PIK3C3: variants seen among roughly 807,000 people sequenced by gnomAD.
The protein encoded by PIK3C3 is PI3-kinase type 3.
In PIK3C3, 95 loss-of-function variants were observed where a neutral mutation model predicts 126.1. The observed-to-expected ratio is 0.75, with a 90% CI of 0.64 to 0.89. PIK3C3 has a LOEUF of 0.89. PIK3C3 is among the 40% of genes least tolerant of loss of function. The probability of loss-of-function intolerance (pLI) is 0.00; values close to 1 mark genes in which losing one functional copy is unlikely to be tolerated. For synonymous variants in PIK3C3, 374 were observed against 360.0 expected (o/e 1.04, Z -0.44); for missense variants, 829 against 1,063.2 (o/e 0.78, Z 3.06).
At chr18:41,959,529 A>G (rs1219361612) in intron 2 of PIK3C3, among the ~76,000 whole-genome samples, 1 of 152,196 alleles carries the variant, frequency 6.6e-6, no homozygotes, top group East Asian at 1.9e-4. Flanking sequence ...TATTTTGGAT[A>G]AAATACCACG....
At chr18:42,062,986 C>T (rs909960140) in intron 22 of PIK3C3, among the ~76,000 whole-genome samples, 1 of 152,226 alleles carries the variant, frequency 6.6e-6, no homozygotes, top group African/African-American at 2.4e-5. Flanking sequence ...CATGTTGGTT[C>T]CTGTCCACCT....
chr18:41,970,414 A>C lies in PIK3C3; in HGVS notation c.489A>C (p.Thr163=), dbSNP rs780243332. 8 of 1,613,910 alleles carry C rather than the reference A, an allele frequency of 5.0e-6. No homozygotes were observed. The highest frequency in any genetic ancestry group is 4.0e-5 in the African/African-American group (3 of 74,920). Residue 163 remains threonine (T), a synonymous_variant, in exon 4 of 25, where the codon ACA becomes ACC. Transcript: ENST00000262039. ...AACCCACAAAAACTCCTGGCAGAAC[A>C]AGTAGCACTCTCTCAGAAGATCAGA... is the stretch of plus-strand genomic sequence containing the variant. ...GSEPTKTPGR[T]SSTLSEDQMS...
chr18:42,068,818 C>T (rs1367508703), intron 24 of PIK3C3, among the ~76,000 whole-genome samples: 9 of 151,846 alleles, frequency 5.9e-5, no homozygotes, highest in African/African-American at 1.2e-4. Flanking sequence ...GGTGTGATGG[C>T]GGGCGCCTGT....
chr18:41,969,605 T>C (rs991704496), intron 3 of PIK3C3, among the ~76,000 whole-genome samples: 2 of 152,258 alleles, frequency 1.3e-5, no homozygotes, highest in Non-Finnish European at 2.9e-5. Context: ...TGTATGAATC[T>C]ACTATTGTAT....
At chr18:42,060,395 C>T (rs1447520413) in intron 22 of PIK3C3, among the ~76,000 whole-genome samples, 2 of 152,108 alleles carry the variant, frequency 1.3e-5, no homozygotes, top group Admixed American at 6.5e-5. Context: ...CACACTTATG[C>T]CAAACACCAT....
intron 24 of PIK3C3, among the ~76,000 whole-genome samples, chr18:42,072,682 C>T (rs765788165): frequency 7.2e-5 from 11 of 152,090 alleles, no homozygotes; most frequent in Non-Finnish European, 1.3e-4. Context: ...CAGGCATGCA[C>T]CACCATACCC....
intron 6 of PIK3C3, among the ~76,000 whole-genome samples, chr18:41,990,878 T>C (rs1981742045): frequency 1.3e-5 from 2 of 152,144 alleles, no homozygotes; most frequent in Admixed American, 1.3e-4. Flanking sequence ...ATTTAAAAAA[T>C]GAAAGGGGGA....
intron 13 of PIK3C3, among the ~76,000 whole-genome samples, chr18:42,022,479 G>A (rs1983372273): frequency 6.6e-6 from 1 of 152,016 alleles, no homozygotes; most frequent in Admixed American, 6.6e-5. Flanking sequence ...CCTTTTTTAT[G>A]GAGCACTCTT....
chr18:42,019,452 A>G (rs912777162), intron 12 of PIK3C3, among the ~76,000 whole-genome samples: 3 of 152,184 alleles, frequency 2.0e-5, no homozygotes, highest in African/African-American at 4.8e-5. Flanking sequence ...TTGGTTGCAC[A>G]TTCTTTTCAG....
intron 4 of PIK3C3, among the ~76,000 whole-genome samples, chr18:41,977,854 A>C (rs1267914606): frequency 6.6e-6 from 1 of 152,238 alleles, no homozygotes; most frequent in Non-Finnish European, 1.5e-5. Flanking sequence ...AGTCTCATTC[A>C]TTCAGCTCAG....
At chr18:42,054,126 G>GTATATATA (rs60224978) in intron 21 of PIK3C3, among the ~76,000 whole-genome samples, 1 of 69,682 alleles carries the variant, frequency 1.4e-5, no homozygotes, top group Non-Finnish European at 2.8e-5. Context: ...AGAACTAATG[G>GTATATATA]TATATATATA....
chr18:42,034,414 A>T (rs971089954), intron 16 of PIK3C3, among the ~76,000 whole-genome samples: 13 of 152,082 alleles, frequency 8.5e-5, no homozygotes, highest in African/African-American at 3.1e-4. Flanking sequence ...CTTTATGTAA[A>T]TTTTTTTAGA....
chr18:42,053,613 A>G (rs139826644), intron 21 of PIK3C3, among the ~76,000 whole-genome samples: 3 of 152,284 alleles, frequency 2.0e-5, no homozygotes, highest in African/African-American at 7.2e-5. Flanking sequence ...TTTCCCAAGA[A>G]TCATTGTCCT....
chr18:41,983,689 C>T (rs772269356), intron 4 of PIK3C3, among the ~76,000 whole-genome samples: 4 of 152,024 alleles, frequency 2.6e-5, no homozygotes, highest in Non-Finnish European at 5.9e-5. Context: ...ATTTGTTTTC[C>T]CTGCTGGTCT....
At position 42,025,638 on chromosome 18, in the gene PIK3C3, G is replaced by A. The variant is rs369876729; in HGVS notation, c.1485-1805G>A. On this transcript the variant is annotated intron_variant, in intron 13 of 24. Transcript: ENST00000262039. The stretch of plus-strand genomic sequence containing the variant: ...AGAGGTAGAAAAAATTCAATTTAAT[G>A]TGATAAGTTTGGTTTTACATGTGTT... 267 of 152,294 alleles carry A rather than the reference G, an allele frequency of 1.8e-3. 2 individuals carry two copies. Among genetic ancestry groups the A allele is most frequent in the African/African-American group, 5.7e-3 (238 of 41,570 alleles). 9.4% of individuals were successfully genotyped at this position (152,294 alleles called of 1,614,324 possible).
At chr18:42,013,934 A>C (rs1292046772) in intron 11 of PIK3C3, among the ~76,000 whole-genome samples, 1 of 152,210 alleles carries the variant, frequency 6.6e-6, no homozygotes, top group African/African-American at 2.4e-5. Flanking sequence ...TTAATCATTA[A>C]GTGAATTAAC....
rs1050579288 is a variant in PIK3C3 at position 42,057,924 on chromosome 18, G to T, written c.2305G>T (p.Asp769Tyr). ...HIDFGYILGR[D>Y]PKPLPPPMKL... ...AGACTTTGGATATATTTTGGGTCGG[G>T]ATCCAAAGCCTCTTCCTCCACCAAT... Residue 769 changes from aspartate (D) to tyrosine (Y), a missense_variant, in exon 22 of 25, where the codon GAT becomes TAT. By Grantham distance (160) the Asp-to-Tyr change is radical. Around this residue, in one of 4 missense-constraint regions of PIK3C3, gnomAD observed 196 missense variants for 312.8 expected, o/e 0.63. Transcript: ENST00000262039. 1 of 1,613,724 alleles carries T rather than the reference G, an allele frequency of 6.2e-7. No individual in the cohort carries two copies. The highest frequency in any genetic ancestry group is 1.6e-4 in the Middle Eastern group (1 of 6,062).
chr18:42,029,239 T>C lies in PIK3C3; in HGVS notation c.1591-86T>C. ...TATTTAAGTTTATAACTGTGAGAAATATGAATAAGGATTATCCATGCTGTT... is the reference window on the plus strand; with the variant it reads ...TATTTAAGTTTATAACTGTGAGAAACATGAATAAGGATTATCCATGCTGTT... On this transcript the variant is annotated intron_variant, in intron 14 of 24. Coordinates refer to ENST00000262039, the MANE Select transcript of PIK3C3 (RefSeq NM_002647.4). 3 of 777,260 alleles carry C rather than the reference T, an allele frequency of 3.9e-6. No homozygotes were observed. In the Middle Eastern group the frequency reaches 8.0e-4, roughly 206 times the overall value. 48.1% of individuals were successfully genotyped at this position (777,260 alleles called of 1,614,324 possible). A position where few individuals can be genotyped will look rare whatever the true frequency, so the allele number is the denominator to read the frequency against.
chr18:41,964,450 G>A (rs534226023), intron 3 of PIK3C3, among the ~76,000 whole-genome samples: 4 of 152,112 alleles, frequency 2.6e-5, no homozygotes, highest in African/African-American at 9.6e-5. Flanking sequence ...AAGAACAATA[G>A]TATCCACCTC....
Sources: allele counts gnomAD v4.1 joint callset (sites outside exome capture counted in the v4.1 genomes callset), GRCh38; gene constraint gnomAD v4.1.1; regional missense constraint gnomAD v4.1.1; transcripts MANE v1.5; gene names NCBI Gene and HGNC (gene_info 2026-07-23, HGNC 2026-07-21).